The following KAT14 variants were observed in gnomAD, a reference collection of about 807,000 sequenced individuals.
The protein encoded by KAT14 is lysine acetyltransferase 14, also known as cysteine-rich protein 2-binding protein.
In KAT14, 66 loss-of-function variants were observed where a neutral mutation model predicts 78.4. The observed-to-expected ratio is 0.84, with a 90% CI of 0.69 to 1.03. KAT14 has a LOEUF of 1.03. Among genes scored for constraint, KAT14 ranks in the 50% least tolerant of loss-of-function variants. The pLI, the probability that KAT14 is intolerant of heterozygous loss-of-function variation, is 0.00. For synonymous variants in KAT14, 344 were observed against 359.4 expected, an observed-to-expected ratio of 0.96 and a Z score of 0.48; for missense variants, 870 against 972.5, an observed-to-expected ratio of 0.89 and a Z score of 1.40.
In KAT14 at chr20:18,142,875, A is replaced by G; in HGVS notation, c.215A>G (p.Gln72Arg). 1 of 1,614,214 alleles carries G rather than the reference A, an allele frequency of 6.2e-7. No homozygotes were observed. The highest frequency in any genetic ancestry group is 8.5e-7 in the Non-Finnish European group (1 of 1,180,042). The change falls in exon 2 of 11, where the codon CAG becomes CGG. Residue 72 changes from glutamine (Q) to arginine (R), a missense_variant. Coordinates refer to ENST00000688188, the MANE Select transcript of KAT14 (RefSeq NM_001392073.1). ...GGAGACGTGTCTTGGATGGAGGAGC[A>G]GCTGTCCTACTTCTGTGACAAGTGC... ...DEGDVSWMEE[Q>R]LSYFCDKCQK...
At chr20:18,181,623 C>A in intron 7 of KAT14, 87 bp from the exon 8 acceptor site, 1 of 1,568,946 alleles carries the variant, frequency 6.4e-7, no homozygotes, top group Non-Finnish European at 8.7e-7. Flanking sequence ...CCTACCTCAG[C>A]TTCCCAAAGT....
chr20:18,157,308 C>T (rs1256045529), intron 4 of KAT14, among the ~76,000 whole-genome samples: 2 of 152,178 alleles, frequency 1.3e-5, no homozygotes, highest in Admixed American at 6.5e-5. Context: ...CACTACCTCC[C>T]AGGCACAAGT....
intron 2 of KAT14, chr20:18,145,013 A>G (rs2037771623): frequency 7.0e-6 from 8 of 1,139,116 alleles, no homozygotes; most frequent in South Asian, 6.9e-5. Flanking sequence ...CCTTTCTCCT[A>G]AAAGTTACTG....
chr20:18,162,544 A>C lies in KAT14; in HGVS notation c.1267A>C (p.Met423Leu). The C allele has an allele frequency of 6.2e-7, 1 of 1,614,180 alleles. No homozygotes were observed. The highest frequency in any genetic ancestry group is 8.5e-7 in the Non-Finnish European group (1 of 1,180,032). ...GAGTGAGGAGGAAAAACCCGACAGG[A>C]TGGATATTGACAGTGAAGACACAGA... The part of the protein sequence containing the change: ...VESEEEKPDR[M>L]DIDSEDTDSN... The change falls in exon 7 of 11, where the codon ATG (methionine) becomes CTG (leucine). Residue 423 changes from methionine (M) to leucine (L), a missense_variant. Coordinates refer to ENST00000688188, the MANE Select transcript of KAT14 (RefSeq NM_001392073.1).
intron 7 of KAT14, among the ~76,000 whole-genome samples, chr20:18,172,051 T>A (rs2038862882): frequency 6.6e-6 from 1 of 152,120 alleles, no homozygotes; most frequent in South Asian, 2.1e-4. Context: ...AGTCACACAT[T>A]TTTTTCTTAG....
intron 7 of KAT14, among the ~76,000 whole-genome samples, chr20:18,177,919 G>A (rs537561956): frequency 6.6e-6 from 1 of 152,234 alleles, no homozygotes; most frequent in African/African-American, 2.4e-5. Context: ...TACCAAGTCT[G>A]TTAGGATACC....
At chr20:18,167,167 G>A (rs1480467010) in intron 7 of KAT14, among the ~76,000 whole-genome samples, 1 of 152,188 alleles carries the variant, frequency 6.6e-6, no homozygotes, top group Non-Finnish European at 1.5e-5. Context: ...GTGTTTGCCT[G>A]CTCCTTATTT....
intron 7 of KAT14, 113 bp downstream of exon 7, chr20:18,163,058 G>A (rs1816214246): frequency 7.3e-7 from 1 of 1,373,684 alleles, no homozygotes; most frequent in African/African-American, 1.5e-5. Flanking sequence ...GAGTAATTTG[G>A]GAAGAGAAAA....
At chr20:18,157,595 A>T (rs549447276) in intron 4 of KAT14, among the ~76,000 whole-genome samples, 10 of 152,196 alleles carry the variant, frequency 6.6e-5, no homozygotes, top group Admixed American at 6.5e-4. Context: ...TATCCCTATT[A>T]AATAACTCTC....
In KAT14 at chr20:18,161,842, T is replaced by A; in HGVS notation, c.702T>A (p.Asp234Glu). Residue 234 changes from aspartate to glutamate, a missense_variant, in exon 6 of 11, where the codon GAT becomes GAA. By Grantham distance (45) the Asp-to-Glu change is conservative. Coordinates refer to ENST00000688188, the MANE Select transcript of KAT14 (RefSeq NM_001392073.1). The stretch of plus-strand genomic sequence containing the variant: ...TAGCAGCCTCAAAACCAACTTTAGA[T>A]CCCATCATTACTGTTGAGGGACTTA... ...LKIKASKPTL[D>E]PIITVEGLRK... 1 of 1,613,490 alleles carries A rather than the reference T, an allele frequency of 6.2e-7. No homozygotes were observed. Among genetic ancestry groups the A allele is most frequent in the South Asian group, 1.1e-5 (1 of 91,022 alleles).
At chr20:18,149,813 G>C (rs2037969494) in intron 3 of KAT14, among the ~76,000 whole-genome samples, 1 of 151,972 alleles carries the variant, frequency 6.6e-6, no homozygotes, top group South Asian at 2.1e-4. Flanking sequence ...AGCCAGGAGT[G>C]GTGGTGCGCA....
intron 7 of KAT14, among the ~76,000 whole-genome samples, chr20:18,165,948 G>A (rs1423330112): frequency 1.3e-5 from 2 of 152,194 alleles, no homozygotes; most frequent in Non-Finnish European, 2.9e-5. Context: ...ACATGGTGAA[G>A]ACAAGCTGAG....
At position 18,162,499 on chromosome 20, in the gene KAT14, C is replaced by G. The variant is rs775317195; in HGVS notation, c.1222C>G (p.Gln408Glu). 2 of 1,614,018 alleles carry G rather than the reference C, an allele frequency of 1.2e-6. No homozygotes were observed. Among genetic ancestry groups the G allele is most frequent in the South Asian group, 2.2e-5 (2 of 91,082 alleles). ...GVRKKVRGPE[Q>E]IKQEVESEEE... ...CAGAAAGAAGGTCAGAGGCCCTGAA[C>G]AGATAAAGCAGGAGGTAGAGAGTGA... The change falls in exon 7 of 11, where the codon CAG (glutamine) becomes GAG (glutamate). Residue 408 changes from glutamine (Q) to glutamate (E), a missense_variant. Gln to Glu is a conservative substitution (Grantham distance 29). Coordinates refer to ENST00000688188, the MANE Select transcript of KAT14 (RefSeq NM_001392073.1).
intron 4 of KAT14, among the ~76,000 whole-genome samples, chr20:18,158,070 G>A (rs1381583711): frequency 6.6e-6 from 1 of 152,104 alleles, no homozygotes; most frequent in Admixed American, 6.5e-5. Flanking sequence ...CCGAGTAGCT[G>A]GGATTACAGG....
intron 4 of KAT14, among the ~76,000 whole-genome samples, chr20:18,158,091 C>T (rs868164968): frequency 5.3e-5 from 8 of 152,298 alleles, no homozygotes; most frequent in Middle Eastern, 6.8e-3. Context: ...CATGTGCCAC[C>T]ACACCCAGCT....
In KAT14 at chr20:18,142,229, A is replaced by C. The variant is rs1156810413; in HGVS notation, c.-432A>C. On this transcript the variant is annotated 5_prime_UTR_variant, in exon 2 of 11. Transcript: ENST00000688188. ...TTAGAGGCTTCGTGACGGAGTTATC[A>C]GAGACATTGAGAGGCAAATTCGGAA... 1 of 1,537,222 alleles carries C rather than the reference A, an allele frequency of 6.5e-7. No individual in the cohort carries two copies. The highest frequency in any genetic ancestry group is 2.0e-5 in the Admixed American group (1 of 50,998).
At chr20:18,178,951 G>T (rs532298634) in intron 7 of KAT14, among the ~76,000 whole-genome samples, 1 of 152,298 alleles carries the variant, frequency 6.6e-6, no homozygotes, top group East Asian at 1.9e-4. Context: ...GATACAGTGA[G>T]GGTACAGGTA....
At chr20:18,182,603 T>C (rs1270864083) in intron 8 of KAT14, among the ~76,000 whole-genome samples, 1 of 152,190 alleles carries the variant, frequency 6.6e-6, no homozygotes, top group African/African-American at 2.4e-5. Flanking sequence ...GACCCAGCAG[T>C]GTCTGGCACT....
chr20:18,168,539 A>T (rs78648332), intron 7 of KAT14, among the ~76,000 whole-genome samples: 18,458 of 151,694 alleles, frequency 0.12, 1,157 homozygotes, highest in Middle Eastern at 0.19. Context: ...AAAAAAAAAA[A>T]TTTTTTTTGT....
Sources: allele counts gnomAD v4.1 joint callset (sites outside exome capture counted in the v4.1 genomes callset), GRCh38; gene constraint gnomAD v4.1.1; transcripts MANE v1.5; gene names NCBI Gene and HGNC (gene_info 2026-07-23, HGNC 2026-07-21).